The following RGS3 variants were observed in gnomAD, a reference collection of about 807,000 sequenced individuals.
RGS3 encodes the protein regulator of G-protein signalling 3.
Under a neutral mutation model 132.6 loss-of-function variants are expected in RGS3, and 80 were observed. That is an observed-to-expected ratio of 0.60 (90% confidence interval 0.50 to 0.73). RGS3 has a LOEUF of 0.73. Among genes scored for constraint, RGS3 ranks in the 30% least tolerant of loss-of-function variants. The pLI is 0.00. For missense variants in RGS3, 1,382 were observed against 1,530.8 expected (o/e 0.90, Z 1.62); for synonymous variants, 598 against 620.6 (o/e 0.96, Z 0.54).
At chr9:113,505,360 G>A (rs1484771928) in intron 10 of RGS3, 82 bp from the exon 9 acceptor site, 6 of 1,227,856 alleles carry the variant, frequency 4.9e-6, no homozygotes, top group South Asian at 2.5e-5. Context: ...TCTTGGCAGG[G>A]GTGGGCTGTG....
chr9:113,534,451 T>TTTAATATAACCTATATA (rs1832599817), intron 18 of RGS3, among the ~76,000 whole-genome samples: 1 of 152,174 alleles, frequency 6.6e-6, no homozygotes, highest in South Asian at 2.1e-4. Context: ...TGGGGTAGTA[T>TTTAATATAACCTATATA]TTAATATAAC....
Position 113,471,775 on chromosome 9 carries a change from C to G in RGS3, c.416-7716C>G, listed in dbSNP as rs192596935. Among the ~76,000 whole-genome samples the G allele has an allele frequency of 1.4e-3, 206 of 152,270 alleles. 1 individual carries two copies. The highest frequency in any genetic ancestry group is 6.8e-3 in the Middle Eastern group (2 of 292). ...CAAGATGGCTCATTCACATGGCTCT[C>G]AGCAGGAGGCCTCAGTTCCTTGCTA... On this transcript the variant is annotated intron_variant, in intron 3 of 24. Coordinates refer to ENST00000350696, the Ensembl canonical transcript of RGS3.
At chr9:113,453,806 A>G (rs964868069) in intron 1 of RGS3, among the ~76,000 whole-genome samples, 4 of 144,918 alleles carry the variant, frequency 2.8e-5, no homozygotes, top group African/African-American at 7.4e-5. Context: ...ATAATATAAT[A>G]AATATATATA....
At chr9:113,462,479 C>T (rs1271393460) in intron 3 of RGS3, among the ~76,000 whole-genome samples, 1 of 152,190 alleles carries the variant, frequency 6.6e-6, no homozygotes, top group African/African-American at 2.4e-5. Flanking sequence ...GCTCCTTCCA[C>T]CTGCTGTTGG....
intron 14 of RGS3, among the ~76,000 whole-genome samples, chr9:113,513,541 C>T (rs1468993980): frequency 6.6e-6 from 1 of 152,194 alleles, no homozygotes; most frequent in African/African-American, 2.4e-5. Flanking sequence ...ACTTTTATCA[C>T]ACACTTACTA....
chr9:113,471,619 T>C (rs968980350), intron 3 of RGS3, among the ~76,000 whole-genome samples: 1 of 151,688 alleles, frequency 6.6e-6, no homozygotes, highest in African/African-American at 2.4e-5. Flanking sequence ...CCTTTTCTCC[T>C]CCCTCCCTGC....
intron 19 of RGS3, chr9:113,564,905 G>C: frequency 1.0e-6 from 1 of 995,034 alleles, no homozygotes; most frequent in Non-Finnish European, 1.2e-6. Flanking sequence ...AACAGCGTCG[G>C]GGTGGGGGTG....
chr9:113,487,684 C>A (rs80333699), intron 7 of RGS3, among the ~76,000 whole-genome samples: 3,419 of 152,202 alleles, frequency 0.022, 55 homozygotes, highest in Non-Finnish European at 0.036. Context: ...GAGGGATCTG[C>A]AAACTCATTG....
At chr9:113,495,942 C>A in intron 8 of RGS3, 96 bp downstream of exon 6, 1 of 1,094,728 alleles carries the variant, frequency 9.1e-7, no homozygotes, top group Non-Finnish European at 1.4e-6. Flanking sequence ...GGGCTTCTCT[C>A]TGTGAGATGG....
chr9:113,581,418 T>C (rs1360277331), intron 19 of RGS3: 2 of 152,256 alleles, frequency 1.3e-5, no homozygotes, highest in African/African-American at 4.8e-5. Flanking sequence ...GACATTACAA[T>C]TGCCAACACT....
chr9:113,470,706 T>TA (rs1346220573), intron 3 of RGS3, among the ~76,000 whole-genome samples: 1 of 152,134 alleles, frequency 6.6e-6, no homozygotes, highest in Admixed American at 6.5e-5. Context: ...GGCCCATGCT[T>TA]ATAATCCCAG....
chr9:113,513,011 A>G (rs1203652020), intron 14 of RGS3, among the ~76,000 whole-genome samples: 1 of 152,132 alleles, frequency 6.6e-6, no homozygotes, highest in Admixed American at 6.5e-5. Context: ...AGCCTGACCA[A>G]CATGGAGAAA....
At chr9:113,552,743 C>T (rs376502292) in intron 19 of RGS3, among the ~76,000 whole-genome samples, 17 of 152,224 alleles carry the variant, frequency 1.1e-4, no homozygotes, top group African/African-American at 2.6e-4. Flanking sequence ...CTATACAATA[C>T]GGTCTTCTCA....
chr9:113,469,192 G>A (rs1282472430), intron 3 of RGS3, among the ~76,000 whole-genome samples: 1 of 152,040 alleles, frequency 6.6e-6, no homozygotes. Flanking sequence ...GGGAACAGAT[G>A]TCAGCCAGCT....
chr9:113,591,485 A>C lies in RGS3; in HGVS notation c.3080+88A>C. ...TCCTCTAGGGGTCCAGGTGGGGAGA[A>C]GAGGTTGTGCCTGGTCCCGCCCACA... On this transcript the variant is annotated intron_variant, in intron 21 of 24. Transcript: ENST00000350696. This position sits in a 1 kb window ranked among gnomAD's most constrained non-coding sequence, Gnocchi z 4.4. The C allele has an allele frequency of 8.3e-7, 1 of 1,207,102 alleles. No individual in the cohort carries two copies. The allele number at this position is 1,207,102 out of a possible 1,614,324, so 74.8% of individuals were successfully genotyped here. A position where few individuals can be genotyped will look rare whatever the true frequency, so the allele number is the denominator to read the frequency against.
chr9:113,538,010 C>T (rs1366557689), intron 19 of RGS3, among the ~76,000 whole-genome samples: 2 of 152,220 alleles, frequency 1.3e-5, no homozygotes, highest in South Asian at 4.1e-4. Flanking sequence ...AGGAAAAGCA[C>T]GGACTTCTGA....
exon 5 of RGS3, chr9:113,483,101 G>A (rs746071966): frequency 1.9e-6 from 3 of 1,612,400 alleles, no homozygotes; most frequent in East Asian, 4.5e-5. Context: ...CCTGGCACCT[G>A]TGATCCGTAT....
chr9:113,539,405 G>A (rs1296862232), intron 19 of RGS3, among the ~76,000 whole-genome samples: 1 of 152,210 alleles, frequency 6.6e-6, no homozygotes, highest in Non-Finnish European at 1.5e-5. Context: ...TGCCTCCTGG[G>A]TTCAAGCGAT....
chr9:113,495,797 T>A (rs768230298), exon 8 of RGS3: 6 of 1,614,138 alleles, frequency 3.7e-6, no homozygotes, highest in Non-Finnish European at 5.1e-6. Flanking sequence ...CAGAGTGGAC[T>A]CATTGGCTGC....
Sources: gnomAD v4.1 joint callset for allele counts (sites outside exome capture counted in the v4.1 genomes callset) on GRCh38, gnomAD v4.1.1 for gene constraint, Gnocchi (gnomAD v3.1) non-coding constraint, MANE v1.5 for transcripts, NCBI Gene and HGNC (gene_info 2026-07-23, HGNC 2026-07-21) for gene names.